The following ST6GALNAC3 variants were observed in gnomAD, a reference collection of about 807,000 sequenced individuals.
The protein encoded by ST6GALNAC3 is alpha-N-acetylgalactosaminide alpha-2,6-sialyltransferase 3.
A neutral mutation model predicts 32.7 loss-of-function variants in ST6GALNAC3; 25 were observed. The ratio of observed to expected loss-of-function variants is 0.76; its 90% CI spans 0.56 to 1.07. The LOEUF (loss-of-function observed/expected upper bound fraction) is 1.07, where lower values mean the gene tolerates loss of function less well. Among genes scored for constraint, ST6GALNAC3 ranks in the 50% least tolerant of loss-of-function variants. The pLI is 0.00. For missense variants in ST6GALNAC3, 355 were observed against 382.4 expected, an observed-to-expected ratio of 0.93 and a Z score of 0.60; for synonymous variants, 129 against 133.1, an observed-to-expected ratio of 0.97 and a Z score of 0.21.
intron 1 of ST6GALNAC3, among the ~76,000 whole-genome samples, chr1:76,101,722 C>T (rs558257301): frequency 6.6e-6 from 1 of 152,194 alleles, no homozygotes; most frequent in Admixed American, 6.5e-5. Context: ...ACTGTTTTTG[C>T]TGTTTTAGAT....
At chr1:76,335,460 CACACTCAGTCAGA>C (rs2100973653) in intron 2 of ST6GALNAC3, among the ~76,000 whole-genome samples, 1 of 151,668 alleles carries the variant, frequency 6.6e-6, no homozygotes, top group African/African-American at 2.4e-5. Context: ...CACACACACT[CACACTCAGTCAGA>C]TTGGGACCAT....
intron 3 of ST6GALNAC3, among the ~76,000 whole-genome samples, chr1:76,535,199 T>C (rs1399944077): frequency 6.6e-6 from 1 of 152,158 alleles, no homozygotes; most frequent in African/African-American, 2.4e-5. Flanking sequence ...AACTACTACC[T>C]GTAAAGAGCT....
chr1:76,298,676 A>C lies in ST6GALNAC3; in HGVS notation c.19-15129A>C, dbSNP rs1239292885. 2.6e-5 allele frequency among the ~76,000 whole-genome samples: 4 copies of C among 152,054 alleles called. No individual in the cohort carries two copies. The East Asian group carries it at 7.7e-4, about 29-fold the overall frequency. ...GCTTTTCTTTATGTCCTAGAGGTGG[A>C]TTCTAAAAGTCCCTAACGTATTTTG... On this transcript the variant is annotated intron_variant, in intron 1 of 4. Coordinates refer to ENST00000328299, the MANE Select transcript of ST6GALNAC3 (RefSeq NM_152996.4).
At chr1:76,139,580 C>T (rs1650187964) in intron 1 of ST6GALNAC3, among the ~76,000 whole-genome samples, 1 of 152,126 alleles carries the variant, frequency 6.6e-6, no homozygotes, top group African/African-American at 2.4e-5. Flanking sequence ...ACACCTATGT[C>T]TGGGTGACAT....
intron 1 of ST6GALNAC3, among the ~76,000 whole-genome samples, chr1:76,133,551 C>T (rs1300965755): frequency 6.6e-6 from 1 of 152,200 alleles, no homozygotes. Context: ...CTCATTTGTC[C>T]ACCTATATCC....
downstream of ST6GALNAC3, among the ~76,000 whole-genome samples, chr1:76,635,322 A>C (rs1207359974): frequency 6.6e-6 from 1 of 152,198 alleles, no homozygotes; most frequent in African/African-American, 2.4e-5. Flanking sequence ...ACTCTATAAG[A>C]GATCCATATT....
chr1:76,494,955 C>T (rs528468464), intron 3 of ST6GALNAC3, among the ~76,000 whole-genome samples: 2 of 152,212 alleles, frequency 1.3e-5, no homozygotes, highest in African/African-American at 4.8e-5. Flanking sequence ...GGCTGAAAAA[C>T]ATGATGTCCC....
chr1:76,555,257 C>G (rs1664850154), intron 3 of ST6GALNAC3, among the ~76,000 whole-genome samples: 1 of 152,104 alleles, frequency 6.6e-6, no homozygotes, highest in African/African-American at 2.4e-5. Flanking sequence ...ACAGATAAAA[C>G]ACACACACAA....
intron 1 of ST6GALNAC3, among the ~76,000 whole-genome samples, chr1:76,274,491 C>T (rs1659027192): frequency 6.6e-6 from 1 of 152,102 alleles, no homozygotes; most frequent in South Asian, 2.1e-4. Context: ...AGCCTCCTCA[C>T]CCATTACTCA....
At chr1:76,147,790 A>T (rs995468998) in intron 1 of ST6GALNAC3, among the ~76,000 whole-genome samples, 19 of 151,858 alleles carry the variant, frequency 1.3e-4, no homozygotes, top group African/African-American at 3.6e-4. Context: ...CTTGGTCTTT[A>T]TTCCCTACTC....
chr1:76,505,638 T>G (rs1661437007), intron 3 of ST6GALNAC3, among the ~76,000 whole-genome samples: 1 of 152,178 alleles, frequency 6.6e-6, no homozygotes, highest in African/African-American at 2.4e-5. Flanking sequence ...TCAATAAGTT[T>G]GGAAGTAGAA....
intron 3 of ST6GALNAC3, among the ~76,000 whole-genome samples, chr1:76,452,832 T>C (rs911037312): frequency 6.6e-6 from 1 of 152,202 alleles, no homozygotes; most frequent in Non-Finnish European, 1.5e-5. Flanking sequence ...CTCTATCTTA[T>C]GGCATAGTGT....
chr1:76,090,354 G>A (rs1647027329), intron 1 of ST6GALNAC3, among the ~76,000 whole-genome samples: 1 of 152,196 alleles, frequency 6.6e-6, no homozygotes, highest in African/African-American at 2.4e-5. Flanking sequence ...TAGTCTCACT[G>A]ATAAGCAGAT....
chr1:76,311,542 G>A (rs1235067758), intron 1 of ST6GALNAC3, among the ~76,000 whole-genome samples: 1 of 152,026 alleles, frequency 6.6e-6, no homozygotes, highest in African/African-American at 2.4e-5. Context: ...TTGGTTTTCC[G>A]TTCCCATGTT....
At chr1:76,480,691 T>C (rs1659666045) in intron 3 of ST6GALNAC3, among the ~76,000 whole-genome samples, 1 of 152,136 alleles carries the variant, frequency 6.6e-6, no homozygotes, top group Non-Finnish European at 1.5e-5. Flanking sequence ...CTTTTAGCAG[T>C]AAATGTTATG....
chr1:76,207,107 G>A (rs1235827732), intron 1 of ST6GALNAC3, among the ~76,000 whole-genome samples: 1 of 152,138 alleles, frequency 6.6e-6, no homozygotes, highest in Admixed American at 6.5e-5. Context: ...AATTTTAATA[G>A]TCACTGTGTT....
chr1:76,109,960 G>C (rs1647810091), intron 1 of ST6GALNAC3, among the ~76,000 whole-genome samples: 1 of 152,218 alleles, frequency 6.6e-6, no homozygotes, highest in African/African-American at 2.4e-5. Flanking sequence ...ATGTAATAGA[G>C]TGCATATTCA....
At chr1:76,191,198 C>G (rs1045241721) in intron 1 of ST6GALNAC3, among the ~76,000 whole-genome samples, 1 of 151,936 alleles carries the variant, frequency 6.6e-6, no homozygotes, top group Admixed American at 6.6e-5. Flanking sequence ...AAAATTTAGA[C>G]AAGCCTTGAG....
chr1:76,238,630 G>A lies in ST6GALNAC3; in HGVS notation c.19-75175G>A, dbSNP rs935518157. Among the ~76,000 whole-genome samples, 17 of 152,280 alleles carry A rather than the reference G, an allele frequency of 1.1e-4. No homozygotes were observed. The East Asian group carries it at 1.7e-3, about 16-fold the overall frequency. On this transcript the variant is annotated intron_variant, in intron 1 of 4. Transcript: ENST00000328299. ...CTCTGTAGACAATAGGCAGAGAGCA[G>A]TGAGAGTTCAGAGGGGGAAGGAACC... is the stretch of plus-strand genomic sequence containing the variant.
Sources: gnomAD v4.1 joint callset for allele counts (sites outside exome capture counted in the v4.1 genomes callset) on GRCh38, gnomAD v4.1.1 for gene constraint, MANE v1.5 for transcripts, NCBI Gene and HGNC (gene_info 2026-07-23, HGNC 2026-07-21) for gene names.